Variants in PTPN14 observed in about 807,000 individuals in gnomAD.
The protein encoded by PTPN14 is protein tyrosine phosphatase non-receptor type 14.
In PTPN14, 53 loss-of-function variants were observed where a neutral mutation model predicts 126.8. That is an observed-to-expected ratio of 0.42 (90% confidence interval 0.34 to 0.53). The LOEUF (loss-of-function observed/expected upper bound fraction) is 0.53, where lower values mean the gene tolerates loss of function less well. Ranked by LOEUF, PTPN14 falls within the 20% of genes least tolerant of loss-of-function variation. PTPN14 has a pLI of 0.08. For missense variants in PTPN14, 1,257 were observed against 1,552.9 expected, an observed-to-expected ratio of 0.81 and a Z score of 3.20; for synonymous variants, 630 against 599.3, an observed-to-expected ratio of 1.05 and a Z score of -0.75.
At chr1:214,530,290 C>T (rs1010369584) in intron 1 of PTPN14, 2 of 151,844 alleles carry the variant, frequency 1.3e-5, no homozygotes, top group African/African-American at 2.4e-5. Flanking sequence ...CAACCCCTAA[C>T]CAAAAAGCTC....
chr1:214,526,224 C>T (rs1308918507), intron 1 of PTPN14, among the ~76,000 whole-genome samples: 1 of 152,080 alleles, frequency 6.6e-6, no homozygotes, highest in Non-Finnish European at 1.5e-5. Flanking sequence ...CTTCCACCTC[C>T]CAAAGTGCTG....
At chr1:214,489,543 A>C (rs1214228700) in intron 1 of PTPN14, among the ~76,000 whole-genome samples, 1 of 152,144 alleles carries the variant, frequency 6.6e-6, no homozygotes, top group African/African-American at 2.4e-5. Flanking sequence ...ACCTTCCAGG[A>C]AAGTTCTCTA....
rs1294323253 is a variant in PTPN14, at chr1:214,401,656, T to TA, written c.669+28dup. On this transcript the variant is annotated intron_variant, in intron 7 of 18. Coordinates refer to ENST00000366956, the MANE Select transcript of PTPN14 (RefSeq NM_005401.5). ...AATGCCAGTACCGGTCTGAGAAGGT[T>TA]AAAGCCAGCACAGGGCACAGCATAT... 1.3e-6 allele frequency: 2 copies of TA among 1,498,534 alleles called. 1 individual carries two copies. Among genetic ancestry groups the TA allele is most frequent in the Admixed American group, 3.9e-5 (2 of 50,764 alleles). 92.8% of individuals were successfully genotyped at this position (1,498,534 alleles called of 1,614,324 possible).
rs1315616015 is a variant in PTPN14, at chr1:214,388,074, G to A, written c.988-1152C>T. Among the ~76,000 whole-genome samples, 8 of 151,962 alleles carry A rather than the reference G, an allele frequency of 5.3e-5. No individual in the cohort carries two copies. The East Asian group carries it at 1.5e-3, about 29-fold the overall frequency. On this transcript the variant is annotated intron_variant, in intron 11 of 18. Transcript: ENST00000366956. ...CTGAACCTGAATAACTTCATGCTGC[G>A]GAAGAGGGACAAGTTTTCAGAGAAA... is the stretch of plus-strand genomic sequence containing the variant.
chr1:214,361,322 C>T (rs1291682043), intron 18 of PTPN14, among the ~76,000 whole-genome samples: 1 of 152,222 alleles, frequency 6.6e-6, no homozygotes, highest in Non-Finnish European at 1.5e-5. Context: ...ATCACCACCT[C>T]CTCCACCACC....
chr1:214,442,249 G>C (rs1660050400), intron 3 of PTPN14, among the ~76,000 whole-genome samples: 1 of 152,108 alleles, frequency 6.6e-6, no homozygotes, highest in African/African-American at 2.4e-5. Flanking sequence ...TGAAATATTT[G>C]CTATACTTAC....
At chr1:214,415,780 C>T (rs1659413463) in intron 3 of PTPN14, among the ~76,000 whole-genome samples, 2 of 152,132 alleles carry the variant, frequency 1.3e-5, no homozygotes, top group South Asian at 4.1e-4. Flanking sequence ...CTTCTTCTCT[C>T]CTCTTGGGTG....
chr1:214,367,584 C>G (rs1252899071), intron 17 of PTPN14, among the ~76,000 whole-genome samples: 6 of 152,178 alleles, frequency 3.9e-5, no homozygotes, highest in African/African-American at 1.4e-4. Context: ...ATCATGGTCC[C>G]TCCATGGTGG....
At chr1:214,375,640 A>G (rs1446422640) in intron 15 of PTPN14, among the ~76,000 whole-genome samples, 1 of 152,238 alleles carries the variant, frequency 6.6e-6, no homozygotes, top group Non-Finnish European at 1.5e-5. Context: ...TTGAAATAAC[A>G]ACAAAAATTT....
In PTPN14 at chr1:214,386,939, A is replaced by C; in HGVS notation, c.988-17T>G. The C allele has an allele frequency of 6.3e-7, 1 of 1,575,930 alleles. No homozygotes were observed. Among genetic ancestry groups the C allele is most frequent in the South Asian group, 1.1e-5 (1 of 89,308 alleles). ...CTGCCTGGGCTGAAACAGAGAACAC[A>C]GAGGAGGTGGGGAGGCCTGGGCAGA... On this transcript the variant is annotated splice_polypyrimidine_tract_variant and intron_variant, in intron 11 of 18. Transcript: ENST00000366956.
intron 5 of PTPN14, among the ~76,000 whole-genome samples, chr1:214,407,009 A>C (rs1571980208): frequency 6.6e-6 from 1 of 152,174 alleles, no homozygotes; most frequent in Admixed American, 6.5e-5. Context: ...TTTGAGCCTC[A>C]CTTCCCTCCC....
At chr1:214,410,193 G>A (rs748098012) in intron 5 of PTPN14, among the ~76,000 whole-genome samples, 5 of 151,606 alleles carry the variant, frequency 3.3e-5, no homozygotes, top group African/African-American at 1.2e-4. Flanking sequence ...TGTTTTTGGG[G>A]TCATATGCAA....
intron 3 of PTPN14, among the ~76,000 whole-genome samples, chr1:214,450,067 T>C (rs1427928729): frequency 6.6e-6 from 1 of 151,700 alleles, no homozygotes; most frequent in East Asian, 1.9e-4. Context: ...CAGGAGTTTG[T>C]GGCTGCAGTG....
chr1:214,429,277 C>T (rs1481263460), intron 3 of PTPN14, among the ~76,000 whole-genome samples: 2 of 152,030 alleles, frequency 1.3e-5, no homozygotes, highest in Non-Finnish European at 2.9e-5. Flanking sequence ...TAGATATGTT[C>T]ACATGACCAT....
chr1:214,402,932 C>T lies in PTPN14; in HGVS notation c.532G>A (p.Val178Ile), dbSNP rs777931812. ...ACCTTCTGGGTCAGCTCCTCCAGAACAGCCTCTTCCAGGGCCAAATCCTAT... is the reference window on the plus strand; with the variant it reads ...ACCTTCTGGGTCAGCTCCTCCAGAATAGCCTCTTCCAGGGCCAAATCCTAT... ...FPMDLALEEA[V>I]LEELTQKVAQ... The change falls in exon 6 of 19, where the codon GTT becomes ATT. Residue 178 changes from valine (V) to isoleucine (I), a missense_variant. Physicochemically the swap from Val to Ile is conservative, Grantham distance 29. This residue lies in a region of PTPN14 where 1,021 missense variants were observed against 1,183.3 expected (regional missense o/e 0.86). Coordinates refer to ENST00000366956, the MANE Select transcript of PTPN14 (RefSeq NM_005401.5). The T allele has an allele frequency of 2.5e-6, 4 of 1,613,904 alleles. No individual in the cohort carries two copies. The highest frequency in any genetic ancestry group is 3.4e-6 in the Non-Finnish European group (4 of 1,179,982).
At chr1:214,537,970 A>C (rs981401442) in intron 1 of PTPN14, among the ~76,000 whole-genome samples, 2 of 152,208 alleles carry the variant, frequency 1.3e-5, no homozygotes, top group African/African-American at 4.8e-5. Context: ...AAATTATGAG[A>C]TATTTTACTT....
intron 1 of PTPN14, among the ~76,000 whole-genome samples, chr1:214,514,148 C>T (rs1655044059): frequency 6.6e-6 from 1 of 151,960 alleles, no homozygotes; most frequent in Non-Finnish European, 1.5e-5. Context: ...CTGGATGCTC[C>T]CAGGCTACAA....
At chr1:214,422,085 G>A (rs1242548994) in intron 3 of PTPN14, among the ~76,000 whole-genome samples, 1 of 152,108 alleles carries the variant, frequency 6.6e-6, no homozygotes, top group African/African-American at 2.4e-5. Flanking sequence ...GAGGGAGAAA[G>A]GGAGGAAGAT....
At chr1:214,501,551 GT>G (rs1654699319) in intron 1 of PTPN14, among the ~76,000 whole-genome samples, 1 of 152,124 alleles carries the variant, frequency 6.6e-6, no homozygotes, top group South Asian at 2.1e-4. Flanking sequence ...CCAAAACAGA[GT>G]AAGTATTCTA....
Sources: allele counts gnomAD v4.1 joint callset (sites outside exome capture counted in the v4.1 genomes callset), GRCh38; gene constraint gnomAD v4.1.1; regional missense constraint gnomAD v4.1.1; transcripts MANE v1.5; gene names NCBI Gene and HGNC (gene_info 2026-07-23, HGNC 2026-07-21).